HMGA2: variants seen among roughly 807,000 people sequenced by gnomAD.
The protein encoded by HMGA2 is high mobility group AT-hook 2, also known as high mobility group protein HMGI-C.
In HMGA2, 8 loss-of-function variants were observed where a neutral mutation model predicts 19.1. That is an observed-to-expected ratio of 0.42 (90% CI 0.25 to 0.76). The LOEUF is 0.76. Ranked by LOEUF, HMGA2 falls within the 30% of genes least tolerant of loss-of-function variation. HMGA2 has a pLI of 0.28. For synonymous variants in HMGA2, 60 were observed against 48.8 expected (o/e 1.23, Z -0.96); for missense variants, 109 against 136.3 (o/e 0.80, Z 1.00).
chr12:65,884,942 T>G (rs1873591946), intron 3 of HMGA2, among the ~76,000 whole-genome samples: 1 of 152,210 alleles, frequency 6.6e-6, no homozygotes, highest in South Asian at 2.1e-4. Context: ...TGTTAATTAA[T>G]TGTATTAATC....
chr12:65,910,278 A>T (rs1296081989), intron 3 of HMGA2, among the ~76,000 whole-genome samples: 1 of 152,002 alleles, frequency 6.6e-6, no homozygotes, highest in Non-Finnish European at 1.5e-5. Flanking sequence ...AACCATTCTC[A>T]TGAAACAGGT....
chr12:65,939,902 T>A (rs1045963437), intron 3 of HMGA2, among the ~76,000 whole-genome samples: 1 of 152,192 alleles, frequency 6.6e-6, no homozygotes, highest in African/African-American at 2.4e-5. Flanking sequence ...TACATCATTA[T>A]GGGAAAGACT....
At chr12:65,873,030 A>G (rs1442659833) in intron 3 of HMGA2, among the ~76,000 whole-genome samples, 1 of 152,150 alleles carries the variant, frequency 6.6e-6, no homozygotes. Flanking sequence ...CAATCTCAAC[A>G]CATCTCCCAA....
At chr12:65,909,208 T>C (rs1874735332) in intron 3 of HMGA2, among the ~76,000 whole-genome samples, 1 of 152,208 alleles carries the variant, frequency 6.6e-6, no homozygotes, top group Non-Finnish European at 1.5e-5. Context: ...GGAGCCACAA[T>C]ACTTTCAAAA....
At chr12:65,890,560 A>G (rs1039918120) in intron 3 of HMGA2, among the ~76,000 whole-genome samples, 2 of 152,068 alleles carry the variant, frequency 1.3e-5, no homozygotes, top group African/African-American at 2.4e-5. Context: ...ATACTACACA[A>G]TTGACTCAAG....
intron 3 of HMGA2, among the ~76,000 whole-genome samples, chr12:65,888,195 C>T (rs1027394289): frequency 6.6e-6 from 1 of 152,194 alleles, no homozygotes; most frequent in Admixed American, 6.5e-5. Flanking sequence ...GTGGCACACA[C>T]CTGTAATCCC....
At chr12:65,838,280 T>C (rs1870819249) in intron 2 of HMGA2, among the ~76,000 whole-genome samples, 1 of 151,986 alleles carries the variant, frequency 6.6e-6, no homozygotes, top group South Asian at 2.1e-4. Flanking sequence ...AGGGGGTGTC[T>C]TTTAGGGCGA....
At chr12:65,836,435 C>T (rs1428135938) in intron 2 of HMGA2, among the ~76,000 whole-genome samples, 1 of 152,066 alleles carries the variant, frequency 6.6e-6, no homozygotes, top group Non-Finnish European at 1.5e-5. Context: ...ACTTATGGAG[C>T]ACCTCATGGG....
chr12:65,879,295 T>A (rs997192408), intron 3 of HMGA2, among the ~76,000 whole-genome samples: 3 of 151,140 alleles, frequency 2.0e-5, no homozygotes, highest in Non-Finnish European at 3.0e-5. Context: ...ACCAGCTATT[T>A]TTTTTTTTTT....
intron 3 of HMGA2, among the ~76,000 whole-genome samples, chr12:65,912,166 CT>C (rs1451839158): frequency 1.3e-5 from 2 of 152,118 alleles, no homozygotes; most frequent in Admixed American, 6.5e-5. Context: ...CAGAATGATT[CT>C]TCAGGTAAAT....
intron 2 of HMGA2, among the ~76,000 whole-genome samples, chr12:65,833,557 T>C (rs1217139041): frequency 1.3e-5 from 2 of 152,174 alleles, no homozygotes; most frequent in African/African-American, 4.8e-5. Context: ...AAGTCAGAAT[T>C]GAATTATTCT....
Position 65,824,754 on chromosome 12 carries a change from TC to T in HMGA2, c.-516del. ...CTCTCTCTCTCTCTCTCTCTCTCTC[TC>T]TCTCTCTCTCTCTCGCAGGGTGGGG... On this transcript the variant is annotated 5_prime_UTR_variant, in exon 1 of 5. Coordinates refer to ENST00000403681, the MANE Select transcript of HMGA2 (RefSeq NM_003483.6). The T allele has an allele frequency of 1.3e-5, 3 of 228,248 alleles. No individual in the cohort carries two copies. Among genetic ancestry groups the T allele is most frequent in the Non-Finnish European group, 1.7e-5 (2 of 116,994 alleles). 14.1% of individuals were successfully genotyped at this position (228,248 alleles called of 1,614,324 possible).
At chr12:65,882,027 G>C in intron 3 of HMGA2, 1 of 659,718 alleles carries the variant, frequency 1.5e-6, no homozygotes, top group South Asian at 1.6e-5. Flanking sequence ...GCTCTGTGGA[G>C]TTTTACCTCC....
At chr12:65,854,243 AT>A (rs1029559501) in intron 3 of HMGA2, among the ~76,000 whole-genome samples, 1 of 152,242 alleles carries the variant, frequency 6.6e-6, no homozygotes, top group Non-Finnish European at 1.5e-5. Flanking sequence ...AGAAAGGAAC[AT>A]TTTGATAGCC....
chr12:65,840,714 T>A (rs1356725764), intron 3 of HMGA2, among the ~76,000 whole-genome samples: 2 of 152,198 alleles, frequency 1.3e-5, no homozygotes, highest in Non-Finnish European at 2.9e-5. Flanking sequence ...GGACATCCCA[T>A]ACCATTGAAC....
rs1002124309 is a variant in HMGA2 at position 65,881,760 on chromosome 12, C to A, written c.249+43191C>A. The A allele has an allele frequency of 5.7e-6, 4 of 702,954 alleles. No homozygotes were observed. The Admixed American group carries it at 8.0e-5, about 14-fold the overall frequency. 43.5% of individuals were successfully genotyped at this position (702,954 alleles called of 1,614,324 possible). A position where few individuals can be genotyped will look rare whatever the true frequency, so the allele number is the denominator to read the frequency against. ...CCTCCCAGTGGTTGCTAATGAAGAG[C>A]CCGTGCTGGTGAAGGAAGCCTGCTG... On this transcript the variant is annotated intron_variant, in intron 3 of 4. Coordinates refer to ENST00000403681, the MANE Select transcript of HMGA2 (RefSeq NM_003483.6).
At chr12:65,832,332 C>T (rs183796250) in intron 2 of HMGA2, among the ~76,000 whole-genome samples, 2 of 151,992 alleles carry the variant, frequency 1.3e-5, no homozygotes, top group East Asian at 1.9e-4. Context: ...TTTCAAGGGA[C>T]CTATAGTTCT....
chr12:65,955,655 A>G (rs1190912020), intron 4 of HMGA2: 2 of 152,342 alleles, frequency 1.3e-5, no homozygotes, highest in East Asian at 3.9e-4. Flanking sequence ...GGACAGGTAT[A>G]AACCTGCTCC....
rs528100493 is a variant in HMGA2, at chr12:65,865,704, G to A, written c.249+27135G>A. On this transcript the variant is annotated intron_variant, in intron 3 of 4. Coordinates refer to ENST00000403681, the MANE Select transcript of HMGA2 (RefSeq NM_003483.6). ...GGCTGGAGTGCAGTGGCTCAATCTCGGCTCACTGCAAACTCCGTCTCCCAG... is the reference window on the plus strand; with the variant it reads ...GGCTGGAGTGCAGTGGCTCAATCTCAGCTCACTGCAAACTCCGTCTCCCAG... Among the ~76,000 whole-genome samples, 13 of 145,872 alleles carry A rather than the reference G, an allele frequency of 8.9e-5. No homozygotes were observed. In the East Asian group the frequency reaches 1.0e-3, roughly 11 times the overall value.
Sources: allele counts gnomAD v4.1 joint callset (sites outside exome capture counted in the v4.1 genomes callset), GRCh38; gene constraint gnomAD v4.1.1; transcripts MANE v1.5; gene names NCBI Gene and HGNC (gene_info 2026-07-23, HGNC 2026-07-21).